FBXW7: variants seen among roughly 807,000 people sequenced by gnomAD.
FBXW7 encodes the protein F-box/WD repeat-containing protein 7.
FBXW7 carries 11 observed loss-of-function variants against 86.3 expected under a neutral mutation model. The observed-to-expected ratio is 0.13, with a 90% CI of 0.08 to 0.21. The LOEUF (loss-of-function observed/expected upper bound fraction) is 0.21, where lower values mean the gene tolerates loss of function less well. FBXW7 is among the 10% of genes least tolerant of loss of function. The pLI is 1.00. For missense variants in FBXW7, 488 were observed against 847.4 expected, an observed-to-expected ratio of 0.58 and a Z score of 5.27; for synonymous variants, 313 against 297.9, an observed-to-expected ratio of 1.05 and a Z score of -0.52.
intron 2 of FBXW7, among the ~76,000 whole-genome samples, chr4:152,467,757 T>G (rs1005597268): frequency 6.6e-6 from 1 of 152,196 alleles, no homozygotes; most frequent in Non-Finnish European, 1.5e-5. Context: ...AGTGAGTATT[T>G]ATTTAAAAAC....
At chr4:152,361,193 A>G (rs1732906589) in intron 4 of FBXW7, among the ~76,000 whole-genome samples, 1 of 152,126 alleles carries the variant, frequency 6.6e-6, no homozygotes, top group Non-Finnish European at 1.5e-5. Flanking sequence ...GTTTTTATGT[A>G]GCTTGCTTGT....
intron 7 of FBXW7, among the ~76,000 whole-genome samples, chr4:152,335,957 T>C (rs1730047465): frequency 6.6e-6 from 1 of 152,172 alleles, no homozygotes; most frequent in Non-Finnish European, 1.5e-5. Flanking sequence ...ATTAATAAAG[T>C]AAATGTTTGT....
Position 152,434,965 on chromosome 4 carries a change from C to A in FBXW7, c.-119-22436G>T, listed in dbSNP as rs199963945. On this transcript the variant is annotated intron_variant, in intron 2 of 13. Transcript: ENST00000281708. ...AACCTCCTTTCCCCCCGCTCCCCCC[C>A]CCCCACACACAAGCTCTTCCTTTAC... Among the ~76,000 whole-genome samples, 36 of 150,556 alleles carry A rather than the reference C, an allele frequency of 2.4e-4. No individual in the cohort carries two copies. In the South Asian group the frequency reaches 3.4e-3, roughly 14 times the overall value.
At chr4:152,383,688 G>GA (rs1434198826) in intron 4 of FBXW7, among the ~76,000 whole-genome samples, 2 of 152,112 alleles carry the variant, frequency 1.3e-5, no homozygotes, top group East Asian at 1.9e-4. Flanking sequence ...TTTGAAAGGA[G>GA]AAAGTTAGAA....
At chr4:152,332,520 AT>A (rs1168548076) in intron 8 of FBXW7, 75 bp downstream of exon 8, 3 of 1,349,076 alleles carry the variant, frequency 2.2e-6, no homozygotes, top group African/African-American at 1.5e-5. Context: ...TATTATTTTT[AT>A]TTTTTCTACT....
chr4:152,475,908 T>C (rs1013750837), intron 2 of FBXW7, among the ~76,000 whole-genome samples: 1 of 152,130 alleles, frequency 6.6e-6, no homozygotes, highest in African/African-American at 2.4e-5. Flanking sequence ...AAAATGTCAG[T>C]CTCCTCAGAC....
chr4:152,355,896 G>C (rs952621828), intron 4 of FBXW7, among the ~76,000 whole-genome samples: 1 of 152,254 alleles, frequency 6.6e-6, no homozygotes, highest in African/African-American at 2.4e-5. Context: ...CCAGAGCTCT[G>C]AACAAATAAT....
At chr4:152,445,942 A>AAAAC (rs1741350919) in intron 2 of FBXW7, among the ~76,000 whole-genome samples, 1 of 147,732 alleles carries the variant, frequency 6.8e-6, no homozygotes, top group Non-Finnish European at 1.5e-5. Flanking sequence ...AAAAAAAAAA[A>AAAAC]CCAAAGTGCT....
intron 2 of FBXW7, among the ~76,000 whole-genome samples, chr4:152,455,421 C>T (rs1430395861): frequency 2.0e-5 from 3 of 152,204 alleles, no homozygotes; most frequent in Non-Finnish European, 4.4e-5. Flanking sequence ...TTTCCACCAA[C>T]AGTCTCTTTA....
chr4:152,478,234 C>T (rs1373346758), intron 2 of FBXW7, among the ~76,000 whole-genome samples: 1 of 151,968 alleles, frequency 6.6e-6, no homozygotes, highest in Non-Finnish European at 1.5e-5. Flanking sequence ...CTTCTCATTC[C>T]TCCCTCACCC....
intron 2 of FBXW7, chr4:152,489,238 C>A (rs10021011): frequency 0.42 from 64,013 of 154,024 alleles, 14,865 homozygotes; most frequent in African/African-American, 0.62. Context: ...GTGTTGCCCT[C>A]GAATTTGAAC....
At chr4:152,505,325 G>A (rs922108621) in intron 2 of FBXW7, among the ~76,000 whole-genome samples, 2 of 152,086 alleles carry the variant, frequency 1.3e-5, no homozygotes, top group Non-Finnish European at 2.9e-5. Context: ...TGTGCACTTA[G>A]GCTGTACTAA....
intron 2 of FBXW7, among the ~76,000 whole-genome samples, chr4:152,492,710 CT>C (rs1184811786): frequency 6.6e-6 from 1 of 152,108 alleles, no homozygotes; most frequent in Non-Finnish European, 1.5e-5. Context: ...AGAGCAAAGA[CT>C]CTGGAGGAAA....
chr4:152,477,297 T>C (rs1744507872), intron 2 of FBXW7, among the ~76,000 whole-genome samples: 1 of 152,084 alleles, frequency 6.6e-6, no homozygotes, highest in Non-Finnish European at 1.5e-5. Flanking sequence ...CTAAGAAGGA[T>C]CCAAATAAGG....
chr4:152,526,734 C>G (rs1366912415), intron 2 of FBXW7, among the ~76,000 whole-genome samples: 1 of 151,998 alleles, frequency 6.6e-6, no homozygotes, highest in Non-Finnish European at 1.5e-5. Context: ...CAATTTAAAC[C>G]ACAGTCACTA....
intron 2 of FBXW7, among the ~76,000 whole-genome samples, chr4:152,505,992 C>T (rs1039256942): frequency 2.0e-5 from 3 of 152,002 alleles, no homozygotes; most frequent in African/African-American, 4.8e-5. Flanking sequence ...TCGTCCGCCT[C>T]GGCCTCCCAA....
chr4:152,474,894 G>C (rs535271737), intron 2 of FBXW7, among the ~76,000 whole-genome samples: 1 of 152,118 alleles, frequency 6.6e-6, no homozygotes, highest in African/African-American at 2.4e-5. Flanking sequence ...TCGATCTCCC[G>C]ACCTCATGAT....
chr4:152,486,494 T>C (rs1275951303), intron 2 of FBXW7, among the ~76,000 whole-genome samples: 2 of 152,304 alleles, frequency 1.3e-5, no homozygotes, highest in East Asian at 3.9e-4. Context: ...TAAAACTGTT[T>C]TGCTAAAACC....
intron 2 of FBXW7, among the ~76,000 whole-genome samples, chr4:152,477,774 T>A (rs1744543486): frequency 6.6e-6 from 1 of 152,118 alleles, no homozygotes; most frequent in Non-Finnish European, 1.5e-5. Flanking sequence ...TCCAGTTTGG[T>A]TTATTTCTAT....
Sources: allele counts gnomAD v4.1 joint callset (sites outside exome capture counted in the v4.1 genomes callset), GRCh38; gene constraint gnomAD v4.1.1; transcripts MANE v1.5; gene names NCBI Gene and HGNC (gene_info 2026-07-23, HGNC 2026-07-21).